Variants in TMEM235 observed in about 807,000 individuals in gnomAD.
The protein encoded by TMEM235 is claudin-27.
Under a neutral mutation model 22.9 loss-of-function variants are expected in TMEM235, and 23 were observed. The observed-to-expected ratio is 1.00, with a 90% CI of 0.72 to 1.42. The LOEUF is 1.42. Among genes scored for constraint, TMEM235 ranks in the 40% most tolerant of loss-of-function variants. The pLI, the probability that TMEM235 is intolerant of heterozygous loss-of-function variation, is 0.00. For missense variants in TMEM235, 308 were observed against 299.5 expected (o/e 1.03, Z -0.21); for synonymous variants, 137 against 140.5 (o/e 0.98, Z 0.17).
intron 2 of TMEM235, among the ~76,000 whole-genome samples, chr17:78,233,207 A>C (rs527722356): frequency 6.6e-6 from 1 of 152,338 alleles, no homozygotes; most frequent in East Asian, 1.9e-4. Flanking sequence ...GAGAGTATGT[A>C]TGCCCACATG....
chr17:78,232,582 C>G (rs371014041), intron 2 of TMEM235, among the ~76,000 whole-genome samples: 1 of 152,230 alleles, frequency 6.6e-6, no homozygotes, highest in African/African-American at 2.4e-5. Context: ...CCCTTGTCCC[C>G]GTCCCTGTCA....
chr17:78,234,256 C>A, intron 3 of TMEM235: 1 of 689,750 alleles, frequency 1.4e-6, no homozygotes, highest in Non-Finnish European at 2.6e-6. Flanking sequence ...TTGGCTGGAT[C>A]CTGCGGGCCT....
In TMEM235 at chr17:78,238,956, C is replaced by T. The variant is rs1753828867; in HGVS notation, c.410-68C>T. 3 of 1,488,734 alleles carry T rather than the reference C, an allele frequency of 2.0e-6. No homozygotes were observed. Among genetic ancestry groups the T allele is most frequent in the African/African-American group, 2.8e-5 (2 of 72,320 alleles). 92.2% of individuals were successfully genotyped at this position (1,488,734 alleles called of 1,614,324 possible). A position where few individuals can be genotyped will look rare whatever the true frequency, so the allele number is the denominator to read the frequency against. On this transcript the variant is annotated intron_variant, in intron 4 of 5. Transcript: ENST00000421688. The surrounding 1 kb of genome is among the most constrained non-coding windows in gnomAD (Gnocchi z 4.3). ...GCCGGGGATGCTGAGGCCATGTCTG[C>T]AGGACCACCTGGGCCTGGGCCCGCT...
rs1567876814 is a variant in TMEM235, at chr17:78,239,766, T to C, written c.660-14T>C. 1.3e-6 allele frequency: 2 copies of C among 1,537,334 alleles called. No homozygotes were observed. Among genetic ancestry groups the C allele is most frequent in the South Asian group, 2.4e-5 (2 of 83,754 alleles). On this transcript the variant is annotated splice_polypyrimidine_tract_variant and intron_variant, in intron 5 of 5. Coordinates refer to ENST00000421688, the Ensembl canonical transcript of TMEM235. ...ATGGCCCTACTCAATGACTACCCTT[T>C]ATCCATTTTACAGAGGGGGAGACTG...
chr17:78,232,238 C>G, intron 2 of TMEM235, 25 bp downstream of exon 1: 3 of 1,428,708 alleles, frequency 2.1e-6, no homozygotes, highest in Non-Finnish European at 2.7e-6. Flanking sequence ...CGCCGGCCCT[C>G]CTCCCTCCGC....
At chr17:78,234,958 A>G (rs1447153604) in intron 4 of TMEM235, among the ~76,000 whole-genome samples, 1 of 152,206 alleles carries the variant, frequency 6.6e-6, no homozygotes, top group Non-Finnish European at 1.5e-5. Context: ...GTAATTTATA[A>G]AGAAAAGAGG....
At chr17:78,231,365 C>T in intron 1 of TMEM235, 3 of 1,234,242 alleles carry the variant, frequency 2.4e-6, no homozygotes, top group Admixed American at 2.6e-5. Flanking sequence ...CAGGCAGAGG[C>T]CGGCCTTGCT....
In TMEM235 at chr17:78,237,544, C is replaced by T. The variant is rs1835239365; in HGVS notation, c.410-1480C>T. On this transcript the variant is annotated intron_variant, in intron 4 of 5. Coordinates refer to ENST00000421688, the Ensembl canonical transcript of TMEM235. The surrounding 1 kb of genome is among the most constrained non-coding windows in gnomAD (Gnocchi z 4.7). The stretch of plus-strand genomic sequence containing the variant: ...TTTGGGAGAAAGGCCGTGTCCTCGG[C>T]CAGGCTACAGGAGGCAGCTGGTGTT... Among the ~76,000 whole-genome samples, 1 of 152,068 alleles carries T rather than the reference C, an allele frequency of 6.6e-6. No homozygotes were observed. Among genetic ancestry groups the T allele is most frequent in the South Asian group, 2.1e-4 (1 of 4,826 alleles).
intron 2 of TMEM235, among the ~76,000 whole-genome samples, chr17:78,232,530 G>A (rs58233940): frequency 0.048 from 7,259 of 152,268 alleles, 354 homozygotes; most frequent in East Asian, 0.15. Flanking sequence ...GTCACCAGGG[G>A]TTGTTTCTTG....
At chr17:78,239,165 C>T in exon 5 of TMEM235, 1 of 1,542,918 alleles carries the variant, frequency 6.5e-7, no homozygotes, top group Non-Finnish European at 8.7e-7. Context: ...GCCTGGGGCT[C>T]CTGTGCCTTG....
chr17:78,238,922 G>A lies in TMEM235; in HGVS notation c.410-102G>A. The A allele has an allele frequency of 2.3e-5, 33 of 1,452,784 alleles. No homozygotes were observed. The highest frequency in any genetic ancestry group is 2.9e-5 in the Non-Finnish European group (32 of 1,097,052). 90.0% of individuals were successfully genotyped at this position (1,452,784 alleles called of 1,614,324 possible). A position where few individuals can be genotyped will look rare whatever the true frequency, so the allele number is the denominator to read the frequency against. ...GTGCTGCCTGCAGCTCTGCCTGAAT[G>A]CTAGCGGGGCCGGGGATGCTGAGGC... On this transcript the variant is annotated intron_variant, in intron 4 of 5. Coordinates refer to ENST00000421688, the Ensembl canonical transcript of TMEM235. The surrounding 1 kb of genome is among the most constrained non-coding windows in gnomAD (Gnocchi z 4.3).
At chr17:78,239,094 G>A (rs1465041472) in exon 5 of TMEM235, 2 of 1,544,196 alleles carry the variant, frequency 1.3e-6, no homozygotes, top group African/African-American at 1.4e-5. Flanking sequence ...AGACGGTGCA[G>A]CAGTATGGCC....
intron 4 of TMEM235, among the ~76,000 whole-genome samples, chr17:78,235,595 CAT>C (rs1204289081): frequency 7.5e-6 from 1 of 133,698 alleles, no homozygotes; most frequent in Non-Finnish European, 1.6e-5. Flanking sequence ...CTGGGTGCTA[CAT>C]AGTTTTTTTT....
chr17:78,239,048 G>T (rs754584561), exon 5 of TMEM235: 8 of 1,542,660 alleles, frequency 5.2e-6, no homozygotes, highest in South Asian at 1.2e-5. Flanking sequence ...GCGGGGGTCA[G>T]CATCTACATC....
Sources: allele counts gnomAD v4.1 joint callset (sites outside exome capture counted in the v4.1 genomes callset), GRCh38; gene constraint gnomAD v4.1.1; non-coding constraint Gnocchi (gnomAD v3.1); transcripts MANE v1.5; gene names NCBI Gene and HGNC (gene_info 2026-07-23, HGNC 2026-07-21).